The following TRIM3 variants were observed in gnomAD, a reference collection of about 807,000 sequenced individuals.
The protein encoded by TRIM3 is tripartite motif-containing protein 3.
In TRIM3, 13 loss-of-function variants were observed where a neutral mutation model predicts 66.6. The observed-to-expected ratio is 0.20, with a 90% confidence interval of 0.13 to 0.31. TRIM3 has a LOEUF of 0.31. Among genes scored for constraint, TRIM3 ranks in the 10% least tolerant of loss-of-function variants. The pLI, the probability that TRIM3 is intolerant of heterozygous loss-of-function variation, is 1.00. For missense variants in TRIM3, 711 were observed against 1,020.4 expected, an observed-to-expected ratio of 0.70 and a Z score of 4.13; for synonymous variants, 406 against 411.7, an observed-to-expected ratio of 0.99 and a Z score of 0.17.
rs1849609947 is a variant in TRIM3 at position 6,448,972 on chromosome 11, T to C, written c.*56A>G. 3 of 1,602,118 alleles carry C rather than the reference T, an allele frequency of 1.9e-6. No individual in the cohort carries two copies. Among genetic ancestry groups the C allele is most frequent in the Non-Finnish European group, 2.6e-6 (3 of 1,170,342 alleles). On this transcript the variant is annotated 3_prime_UTR_variant, in exon 12 of 12. Transcript: ENST00000345851. The stretch of plus-strand genomic sequence containing the variant: ...TGGCCCACCTCCCAGCCAGACCCTC[T>C]TGTCCAATCACCCCAATGTCTGTCC...
intron 2 of TRIM3, among the ~76,000 whole-genome samples, chr11:6,459,489 C>A (rs1850130895): frequency 6.6e-6 from 1 of 152,140 alleles, no homozygotes; most frequent in Non-Finnish European, 1.5e-5. Context: ...TGCATATGTG[C>A]CAGGTGCCAT....
intron 1 of TRIM3, among the ~76,000 whole-genome samples, chr11:6,470,369 T>A (rs189719182): frequency 1.3e-5 from 2 of 152,316 alleles, no homozygotes; most frequent in Non-Finnish European, 2.9e-5. Flanking sequence ...GAGAGGGTGA[T>A]AAGTTTGGTG....
chr11:6,466,609 T>C (rs939316534), intron 1 of TRIM3, among the ~76,000 whole-genome samples: 3 of 151,624 alleles, frequency 2.0e-5, no homozygotes, highest in Admixed American at 1.3e-4. Context: ...TTTTTTTTTT[T>C]CCAGTTCCTG....
At chr11:6,464,586 A>G (rs1040315934) in intron 2 of TRIM3, among the ~76,000 whole-genome samples, 2 of 152,234 alleles carry the variant, frequency 1.3e-5, no homozygotes, top group African/African-American at 4.8e-5. Context: ...AAGAGTAAGC[A>G]TTGTAAGTGA....
chr11:6,450,903 C>A lies in TRIM3; in HGVS notation c.1859G>T (p.Arg620Leu), dbSNP rs2306897. ...CTGTCCCCCTATACCTGCAAAGTGGCGGTCAGTGGCCCCACGGCCCCCAAA... is the reference window on the plus strand; with the variant it reads ...CTGTCCCCCTATACCTGCAAAGTGGAGGTCAGTGGCCCCACGGCCCCCAAA... ...GRFGGRGATD[R>L]HFAGPHFVAV... is the part of the protein sequence containing the mutation. Residue 620 changes from arginine to leucine, a missense_variant, in exon 9 of 12, where the codon CGC (arginine) becomes CTC (leucine). Arg to Leu is a moderately radical substitution (Grantham distance 102). Around this residue, in one of 3 missense-constraint regions of TRIM3, gnomAD observed 163 missense variants for 321.9 expected, o/e 0.51. Coordinates refer to ENST00000345851, the MANE Select transcript of TRIM3 (RefSeq NM_033278.4). The surrounding 1 kb of genome is among the most constrained non-coding windows in gnomAD (Gnocchi z 4.8). 5.0e-6 allele frequency: 8 copies of A among 1,614,124 alleles called. No individual in the cohort carries two copies. In the East Asian group the frequency reaches 1.8e-4, roughly 36 times the overall value.
At position 6,457,981 on chromosome 11, in the gene TRIM3, C is replaced by G. The variant is rs557990346; in HGVS notation, c.363+84G>C. The G allele has an allele frequency of 6.5e-7, 1 of 1,534,408 alleles. No individual in the cohort carries two copies. Among genetic ancestry groups the G allele is most frequent in the African/African-American group, 1.4e-5 (1 of 73,822 alleles). On this transcript the variant is annotated intron_variant, in intron 3 of 11. Coordinates refer to ENST00000345851, the MANE Select transcript of TRIM3 (RefSeq NM_033278.4). The surrounding 1 kb of genome is among the most constrained non-coding windows in gnomAD (Gnocchi z 4.5). ...CCACTAATCCAGAGCAGTACCCTGTCACCCAGCCACTCGGCACCCCCCAAT... is the reference window on the plus strand; with the variant it reads ...CCACTAATCCAGAGCAGTACCCTGTGACCCAGCCACTCGGCACCCCCCAAT...
At chr11:6,465,416 G>T in intron 2 of TRIM3, 149 bp downstream of exon 2, 1 of 887,640 alleles carries the variant, frequency 1.1e-6, no homozygotes, top group Non-Finnish European at 1.8e-6. Flanking sequence ...TTTCCTGCAG[G>T]TTGGGGTTCA....
In TRIM3 at chr11:6,457,942, A is replaced by C; in HGVS notation, c.364-95T>G. 2 of 1,559,906 alleles carry C rather than the reference A, an allele frequency of 1.3e-6. No individual in the cohort carries two copies. ...TCCCTGCCCCTCACCTTCTAAGTGC[A>C]CCCCCTACCTGGACCACTAATCCAG... On this transcript the variant is annotated intron_variant, in intron 3 of 11. Transcript: ENST00000345851. The surrounding 1 kb of genome is among the most constrained non-coding windows in gnomAD (Gnocchi z 4.5).
At position 6,456,471 on chromosome 11, in the gene TRIM3, G is replaced by C; in HGVS notation, c.1255C>G (p.Leu419Val). The change falls in exon 6 of 12, where the codon CTG (leucine) becomes GTG (valine). Residue 419 changes from leucine (L) to valine (V), a missense_variant. By Grantham distance (32) the Leu-to-Val change is conservative. Coordinates refer to ENST00000345851, the MANE Select transcript of TRIM3 (RefSeq NM_033278.4). The surrounding 1 kb of genome is among the most constrained non-coding windows in gnomAD (Gnocchi z 6.4). ...VRGSPFRVRA[L>V]RPGDLPPSPD... Reference sequence around the variant, plus strand: ...GAAGGTGGCAGGTCCCCCGGACGCAGGGCACGCACGCGGAAGGGGCTGCCG... The same window carrying C: ...GAAGGTGGCAGGTCCCCCGGACGCACGGCACGCACGCGGAAGGGGCTGCCG... The C allele has an allele frequency of 6.5e-7, 1 of 1,547,874 alleles. No individual in the cohort carries two copies. The highest frequency in any genetic ancestry group is 8.7e-7 in the Non-Finnish European group (1 of 1,143,772).
intron 7 of TRIM3, chr11:6,452,500 T>C (rs1213850917): frequency 2.0e-5 from 3 of 152,418 alleles, no homozygotes; most frequent in African/African-American, 7.2e-5. Context: ...CCTTCCTTAA[T>C]GGACTGGTCT....
chr11:6,457,882 G>C lies in TRIM3; in HGVS notation c.364-35C>G. 1 of 1,612,748 alleles carries C rather than the reference G, an allele frequency of 6.2e-7. No homozygotes were observed. Among genetic ancestry groups the C allele is most frequent in the Non-Finnish European group, 8.5e-7 (1 of 1,179,048 alleles). On this transcript the variant is annotated intron_variant, in intron 3 of 11. Coordinates refer to ENST00000345851, the MANE Select transcript of TRIM3 (RefSeq NM_033278.4). This position sits in a 1 kb window ranked among gnomAD's most constrained non-coding sequence, Gnocchi z 4.5. The stretch of plus-strand genomic sequence containing the variant: ...AAGGACTCCAGTCGGGTAATGGCTA[G>C]ACATCACACTTCTTTGTCCCCTCCC...
Position 6,449,342 on chromosome 11 carries a change from G to A in TRIM3, c.2046C>T (p.Asn682=), listed in dbSNP as rs376638019. 1.4e-5 allele frequency: 22 copies of A among 1,614,002 alleles called. No homozygotes were observed. Among genetic ancestry groups the A allele is most frequent in the African/African-American group, 6.7e-5 (5 of 74,924 alleles). The change falls in exon 11 of 12, where the codon AAC becomes AAT. Residue 682 remains asparagine, a synonymous_variant. Coordinates refer to ENST00000345851, the MANE Select transcript of TRIM3 (RefSeq NM_033278.4). This position sits in a 1 kb window ranked among gnomAD's most constrained non-coding sequence, Gnocchi z 5.3. ...TGTTGCCCCAGTCAGCCACAATGATGTTTCCATTGGAGTCCACAGCTACTC... is the reference window on the plus strand; with the variant it reads ...TGTTGCCCCAGTCAGCCACAATGATATTTCCATTGGAGTCCACAGCTACTC... ...PTGVAVDSNG[N]IIVADWGNSR...
Position 6,457,359 on chromosome 11 carries a change from T to C in TRIM3, c.633A>G (p.Ala211=). Residue 211 remains alanine, a synonymous_variant, in exon 5 of 12, where the codon GCA becomes GCG. Coordinates refer to ENST00000345851, the MANE Select transcript of TRIM3 (RefSeq NM_033278.4). This position sits in a 1 kb window ranked among gnomAD's most constrained non-coding sequence, Gnocchi z 4.5. ...CCAGAGCCTGCTTGCGCTGCTGCAG[T>C]GCTTGCTCCAGGTCCTCGAACGCTG... ...ISAAFEDLEQ[A]LQQRKQALVS... is the part of the protein sequence containing the mutation. The C allele has an allele frequency of 6.2e-7, 1 of 1,613,954 alleles. No homozygotes were observed. The highest frequency in any genetic ancestry group is 8.5e-7 in the Non-Finnish European group (1 of 1,179,846).
rs1171658306 is a variant in TRIM3 at position 6,450,646 on chromosome 11, G to A, written c.1871-25C>T. On this transcript the variant is annotated intron_variant, in intron 9 of 11. Transcript: ENST00000345851. This position sits in a 1 kb window ranked among gnomAD's most constrained non-coding sequence, Gnocchi z 4.8. Reference sequence around the variant, plus strand: ...CCTGAAAATACAAAGTGGTCTTCAGGGCAGTAAGCTGGGATGCTGAGTGGG... The same window carrying A: ...CCTGAAAATACAAAGTGGTCTTCAGAGCAGTAAGCTGGGATGCTGAGTGGG... 2 of 1,610,780 alleles carry A rather than the reference G, an allele frequency of 1.2e-6. No homozygotes were observed. Among genetic ancestry groups the A allele is most frequent in the African/African-American group, 2.7e-5 (2 of 74,950 alleles).
In TRIM3 at chr11:6,449,561, C is replaced by T; in HGVS notation, c.1942-115G>A. 1.0e-5 allele frequency: 10 copies of T among 993,340 alleles called. No homozygotes were observed. The highest frequency in any genetic ancestry group is 5.3e-5 in the East Asian group (2 of 38,090). The allele number at this position is 993,340 out of a possible 1,614,324, so 61.5% of individuals were successfully genotyped here. A position where few individuals can be genotyped will look rare whatever the true frequency, so the allele number is the denominator to read the frequency against. On this transcript the variant is annotated intron_variant, in intron 10 of 11. Transcript: ENST00000345851. This position sits in a 1 kb window ranked among gnomAD's most constrained non-coding sequence, Gnocchi z 5.3. ...GAACCCCCACCCAGATCTACAGCTA[C>T]AGCCCAAATCTGCTTCATAGGCTTC... is the stretch of plus-strand genomic sequence containing the variant.
chr11:6,461,056 C>G (rs967621045), intron 2 of TRIM3, among the ~76,000 whole-genome samples: 2 of 151,922 alleles, frequency 1.3e-5, no homozygotes, highest in South Asian at 2.1e-4. Flanking sequence ...TAGGCTCACA[C>G]CATCACGCCT....
In TRIM3 at chr11:6,448,715, G is replaced by A. The variant is rs184397491; in HGVS notation, c.*313C>T. 239 of 608,456 alleles carry A rather than the reference G, an allele frequency of 3.9e-4. 1 individual carries two copies. The highest frequency in any genetic ancestry group is 3.7e-3 in the African/African-American group (201 of 54,210). 37.7% of individuals were successfully genotyped at this position (608,456 alleles called of 1,614,324 possible). A position where few individuals can be genotyped will look rare whatever the true frequency, so the allele number is the denominator to read the frequency against. ...CAACTAGAGGGACTCCTGTCCTGGG[G>A]TAGGCTGTTCTGGCCCCAGGCTGGG... is the stretch of plus-strand genomic sequence containing the variant. On this transcript the variant is annotated 3_prime_UTR_variant, in exon 12 of 12. Coordinates refer to ENST00000345851, the MANE Select transcript of TRIM3 (RefSeq NM_033278.4).
rs748779976 is a variant in TRIM3 at position 6,451,005 on chromosome 11, T to C, written c.1757A>G (p.Asn586Ser). The part of the protein sequence containing the change: ...MGPKGVAVDR[N>S]GHIIVVDNKS... ...GTTGTCGACCACAATGATATGTCCA[T>C]TCCGGTCTACGGCCACTCCCTTGGG... The change falls in exon 9 of 12, where the codon AAT becomes AGT. Residue 586 changes from asparagine (N) to serine (S), a missense_variant. Asn to Ser is a conservative substitution (Grantham distance 46). Coordinates refer to ENST00000345851, the MANE Select transcript of TRIM3 (RefSeq NM_033278.4). The C allele has an allele frequency of 6.2e-7, 1 of 1,614,068 alleles. No individual in the cohort carries two copies. Among genetic ancestry groups the C allele is most frequent in the African/African-American group, 1.3e-5 (1 of 74,926 alleles).
rs138392059 is a variant in TRIM3 at position 6,457,791 on chromosome 11, G to A, written c.420C>T (p.Ala140=). The part of the protein sequence containing the change: ...CETAMCGECR[A]GEHREHGTVL... ...CTGTGCCATGCTCACGATGCTCCCCGGCGCGGCACTCACCACACATGGCCG... is the reference window on the plus strand; with the variant it reads ...CTGTGCCATGCTCACGATGCTCCCCAGCGCGGCACTCACCACACATGGCCG... Residue 140 remains alanine (A), a synonymous_variant, in exon 4 of 12, where the codon GCC becomes GCT. Transcript: ENST00000345851. This position sits in a 1 kb window ranked among gnomAD's most constrained non-coding sequence, Gnocchi z 4.5. 42 of 1,614,176 alleles carry A rather than the reference G, an allele frequency of 2.6e-5. No homozygotes were observed. Among genetic ancestry groups the A allele is most frequent in the Non-Finnish European group, 3.3e-5 (39 of 1,180,020 alleles).
Sources: allele counts gnomAD v4.1 joint callset (sites outside exome capture counted in the v4.1 genomes callset), GRCh38; gene constraint gnomAD v4.1.1; regional missense constraint gnomAD v4.1.1; non-coding constraint Gnocchi (gnomAD v3.1); transcripts MANE v1.5; gene names NCBI Gene and HGNC (gene_info 2026-07-23, HGNC 2026-07-21).